Variants in ITGA8 observed in about 807,000 individuals in gnomAD.
ITGA8 encodes the protein integrin alpha-8.
A neutral mutation model predicts 142.3 loss-of-function variants in ITGA8; 91 were observed. The ratio of observed to expected loss-of-function variants is 0.64; its 90% CI spans 0.54 to 0.76. The LOEUF (loss-of-function observed/expected upper bound fraction) is 0.76. Among genes scored for constraint, ITGA8 ranks in the 30% least tolerant of loss-of-function variants. The pLI is 0.00. For synonymous variants in ITGA8, 505 were observed against 485.2 expected (o/e 1.04, Z -0.54); for missense variants, 1,406 against 1,327.7 (o/e 1.06, Z -0.92).
At chr10:15,573,205 A>C (rs1328766177) in intron 24 of ITGA8, among the ~76,000 whole-genome samples, 7 of 152,168 alleles carry the variant, frequency 4.6e-5, no homozygotes, top group Non-Finnish European at 1.0e-4. Context: ...GTATATTTTG[A>C]GTCACGAGAT....
At chr10:15,536,751 T>C (rs1357912186) in intron 27 of ITGA8, among the ~76,000 whole-genome samples, 1 of 152,198 alleles carries the variant, frequency 6.6e-6, no homozygotes, top group Non-Finnish European at 1.5e-5. Context: ...AACCATGGTT[T>C]GTAGCTCACT....
chr10:15,656,785 A>G (rs1834193667), intron 10 of ITGA8, among the ~76,000 whole-genome samples: 1 of 152,144 alleles, frequency 6.6e-6, no homozygotes. Context: ...TTGCTTCCAT[A>G]GTGTGCCATG....
chr10:15,700,859 T>A (rs1835151338), intron 2 of ITGA8, among the ~76,000 whole-genome samples: 1 of 152,162 alleles, frequency 6.6e-6, no homozygotes, highest in Non-Finnish European at 1.5e-5. Flanking sequence ...CTTTACATTG[T>A]CTTCATAGTG....
At chr10:15,607,617 A>C (rs1453792306) in intron 17 of ITGA8, 60 bp downstream of exon 17, 3 of 1,511,796 alleles carry the variant, frequency 2.0e-6, no homozygotes, top group Non-Finnish European at 2.8e-6. Context: ...AAATGGAGAA[A>C]AATGGTTGGA....
chr10:15,668,381 C>A (rs895274863), intron 8 of ITGA8, among the ~76,000 whole-genome samples: 22 of 150,600 alleles, frequency 1.5e-4, no homozygotes, highest in African/African-American at 5.1e-4. Context: ...GGTAGATCTT[C>A]CTCCATCCCT....
rs1413773375 is a variant in ITGA8, at chr10:15,592,298, G to A, written c.2218C>T (p.Leu740=). Residue 740 remains leucine (L), a synonymous_variant, in exon 22 of 30, where the codon CTG becomes TTG. Coordinates refer to ENST00000378076, the MANE Select transcript of ITGA8 (RefSeq NM_003638.3). Reference sequence around the variant, plus strand: ...CGTGGAACTGCAAATCGGAGGCCCAGGGAATACTAAAAAATAAAATAAAAT... The same window carrying A: ...CGTGGAACTGCAAATCGGAGGCCCAAGGAATACTAAAAAATAAAATAAAAT... ...NPMVSGTNYS[L]GLRFAVPRLE... is the part of the protein sequence containing the mutation. 1 of 1,610,370 alleles carries A rather than the reference G, an allele frequency of 6.2e-7. No individual in the cohort carries two copies. The highest frequency in any genetic ancestry group is 1.1e-5 in the South Asian group (1 of 90,904).
At chr10:15,618,577 T>A (rs1833435578) in intron 13 of ITGA8, among the ~76,000 whole-genome samples, 1 of 152,164 alleles carries the variant, frequency 6.6e-6, no homozygotes, top group Admixed American at 6.5e-5. Context: ...GATTAACATT[T>A]GGGTCAGTGG....
At chr10:15,575,727 A>T in intron 23 of ITGA8, 133 bp from the exon 24 acceptor site, 1 of 652,752 alleles carries the variant, frequency 1.5e-6, no homozygotes, top group Middle Eastern at 2.8e-4. Flanking sequence ...CTACAGGGAA[A>T]AATATTGAAA....
intron 25 of ITGA8, among the ~76,000 whole-genome samples, chr10:15,559,623 GTGAAGACCTTTA>G (rs952563782): frequency 5.3e-5 from 8 of 152,126 alleles, no homozygotes; most frequent in Admixed American, 2.6e-4. Flanking sequence ...GTAAGGAAGG[GTGAAGACCTTTA>G]TGCACTGAAC....
intron 12 of ITGA8, among the ~76,000 whole-genome samples, chr10:15,645,394 G>A (rs1038619761): frequency 1.3e-5 from 2 of 151,950 alleles, no homozygotes; most frequent in Non-Finnish European, 2.9e-5. Flanking sequence ...ACAAATAGAA[G>A]AAAATATGAT....
At chr10:15,537,959 A>AACAAT (rs1303505153) in intron 27 of ITGA8, among the ~76,000 whole-genome samples, 1 of 144,608 alleles carries the variant, frequency 6.9e-6, no homozygotes, top group Non-Finnish European at 1.5e-5. Context: ...CTCTACAAAA[A>AACAAT]ACAAAACAAA....
At chr10:15,677,099 C>T (rs1048439644) in intron 6 of ITGA8, among the ~76,000 whole-genome samples, 13 of 152,150 alleles carry the variant, frequency 8.5e-5, no homozygotes, top group South Asian at 2.1e-4. Flanking sequence ...TTGATCTCAT[C>T]GAAGTAGAGA....
At position 15,674,946 on chromosome 10, in the gene ITGA8, A is replaced by G. The variant is rs1008483517; in HGVS notation, c.677-2197T>C. ...CAAAATGAGACTCGTCTCAAAAAAAAAAAAATCATAAATCTATCTCTCCTG... is the reference window on the plus strand; with the variant it reads ...CAAAATGAGACTCGTCTCAAAAAAAGAAAAATCATAAATCTATCTCTCCTG... On this transcript the variant is annotated intron_variant, in intron 6 of 29. Transcript: ENST00000378076. Among the ~76,000 whole-genome samples, 6 of 151,852 alleles carry G rather than the reference A, an allele frequency of 4.0e-5. No individual in the cohort carries two copies. In the East Asian group the frequency reaches 7.7e-4, roughly 20 times the overall value.
intron 27 of ITGA8, among the ~76,000 whole-genome samples, chr10:15,547,022 TA>T (rs528319269): frequency 1.4e-3 from 214 of 152,138 alleles, no homozygotes; most frequent in Non-Finnish European, 2.7e-3. Flanking sequence ...AATCTAGGGA[TA>T]AAAAAATTCT....
At chr10:15,684,965 A>G (rs944922419) in intron 3 of ITGA8, among the ~76,000 whole-genome samples, 5 of 152,172 alleles carry the variant, frequency 3.3e-5, no homozygotes, top group African/African-American at 4.8e-5. Context: ...CTTTTAAACA[A>G]TGACTTTCAT....
At chr10:15,525,889 A>T (rs1016778857) in intron 28 of ITGA8, among the ~76,000 whole-genome samples, 1 of 152,136 alleles carries the variant, frequency 6.6e-6, no homozygotes, top group African/African-American at 2.4e-5. Flanking sequence ...AAGTCTCCAA[A>T]ATCCAATATG....
chr10:15,558,172 G>T lies in ITGA8; in HGVS notation c.2668C>A (p.Leu890Ile), dbSNP rs200167471. The T allele has an allele frequency of 2.5e-6, 4 of 1,614,096 alleles. No homozygotes were observed. In the African/African-American group the frequency reaches 4.0e-5, roughly 16 times the overall value. ...PAASPEDTPE[L>I]SAFLRNSTIP... Reference sequence around the variant, plus strand: ...GTAGAGTTTCGCAAAAAGGCGCTGAGCTCAGGGGTGTCCTCTGGGGAGGCA... The same window carrying T: ...GTAGAGTTTCGCAAAAAGGCGCTGATCTCAGGGGTGTCCTCTGGGGAGGCA... Residue 890 changes from leucine (L) to isoleucine (I), a missense_variant, in exon 26 of 30, where the codon CTC (leucine) becomes ATC (isoleucine). Leu to Ile is a conservative substitution (Grantham distance 5). Transcript: ENST00000378076.
rs561911227 is a variant in ITGA8 at position 15,517,199 on chromosome 10, C to T, written c.3151G>A (p.Asp1051Asn). 49 of 1,613,290 alleles carry T rather than the reference C, an allele frequency of 3.0e-5. No individual in the cohort carries two copies. Among genetic ancestry groups the T allele is most frequent in the African/African-American group, 1.7e-4 (13 of 74,928 alleles). ...TTGTCATTTGTCAGCTGTTCCCTGT[C>T]GGTCATGTCCTCCTGAGGAGGTCTG... ...RARPPQEDMTDREQLTNDKTP... is the reference protein window; with the variant it reads ...RARPPQEDMTNREQLTNDKTP... The change falls in exon 30 of 30, where the codon GAC becomes AAC. Residue 1051 changes from aspartate to asparagine, a missense_variant. Transcript: ENST00000378076.
intron 27 of ITGA8, among the ~76,000 whole-genome samples, chr10:15,536,378 AG>A (rs1308892369): frequency 6.6e-6 from 1 of 152,222 alleles, no homozygotes. Context: ...TGATCAGCAG[AG>A]TCAGCATCAA....
Sources: gnomAD v4.1 joint callset for allele counts (sites outside exome capture counted in the v4.1 genomes callset) on GRCh38, gnomAD v4.1.1 for gene constraint, MANE v1.5 for transcripts, NCBI Gene and HGNC (gene_info 2026-07-23, HGNC 2026-07-21) for gene names.